The following LRP6 variants were observed in gnomAD, a reference collection of about 807,000 sequenced individuals.
LRP6 encodes LDL receptor related protein 6.
LRP6 carries 43 observed loss-of-function variants against 184.1 expected under a neutral mutation model. The observed-to-expected ratio is 0.23, with a 90% confidence interval of 0.18 to 0.30. LRP6 has a LOEUF of 0.30. LRP6 is among the 10% of genes least tolerant of loss of function. The probability of loss-of-function intolerance (pLI) is 1.00; values close to 1 mark genes in which losing one functional copy is unlikely to be tolerated. For missense variants in LRP6, 1,571 were observed against 2,005.3 expected, an observed-to-expected ratio of 0.78 and a Z score of 4.14; for synonymous variants, 719 against 684.9, an observed-to-expected ratio of 1.05 and a Z score of -0.78.
intron 2 of LRP6, among the ~76,000 whole-genome samples, chr12:12,217,682 A>G (rs1864384232): frequency 6.6e-6 from 1 of 152,190 alleles, no homozygotes; most frequent in Non-Finnish European, 1.5e-5. Context: ...TAGCATAAGG[A>G]CAGACATCTA....
At chr12:12,257,423 C>CAAA (rs947033294) in intron 1 of LRP6, among the ~76,000 whole-genome samples, 6 of 150,468 alleles carry the variant, frequency 4.0e-5, no homozygotes, top group African/African-American at 1.5e-4. Flanking sequence ...TAAAAAAATA[C>CAAA]AAAAAAAATT....
chr12:12,136,267 T>C (rs2136879317), intron 16 of LRP6, among the ~76,000 whole-genome samples: 1 of 152,316 alleles, frequency 6.6e-6, no homozygotes, highest in Non-Finnish European at 1.5e-5. Flanking sequence ...AGAATTCTCC[T>C]ATATTAAGAT....
chr12:12,136,357 A>G (rs898184653), intron 16 of LRP6, among the ~76,000 whole-genome samples: 2 of 152,114 alleles, frequency 1.3e-5, no homozygotes, highest in African/African-American at 4.8e-5. Context: ...ATTGAGAATT[A>G]AAGAGTTATT....
At chr12:12,205,121 G>A (rs887167706) in intron 2 of LRP6, among the ~76,000 whole-genome samples, 1 of 151,502 alleles carries the variant, frequency 6.6e-6, no homozygotes, top group Non-Finnish European at 1.5e-5. Context: ...TTCAGGTCAG[G>A]AGTTCAAGAC....
chr12:12,237,976 T>A (rs1467164690), intron 2 of LRP6, among the ~76,000 whole-genome samples: 1 of 152,184 alleles, frequency 6.6e-6, no homozygotes, highest in African/African-American at 2.4e-5. Flanking sequence ...TGTCAATATT[T>A]AGGGAAGCTG....
intron 2 of LRP6, among the ~76,000 whole-genome samples, chr12:12,206,542 CAA>C (rs60179716): frequency 0.79 from 91,693 of 116,692 alleles, 34,838 homozygotes; most frequent in East Asian, 0.91. Flanking sequence ...GACTCCATCT[CAA>C]AAAAAAAAAA....
rs908755615 is a variant in LRP6 at position 12,117,227 on chromosome 12, T to C, written c.*3899A>G. 5 of 152,194 alleles carry C rather than the reference T, an allele frequency of 3.3e-5. No individual in the cohort carries two copies. The highest frequency in any genetic ancestry group is 1.2e-4 in the African/African-American group (5 of 41,450). The allele number at this position is 152,194 out of a possible 1,614,324, so 9.4% of individuals were successfully genotyped here. ...CTTGGGTTTAAGAATTCTGATAATG[T>C]TTTAAACAACACCTGACTATAAGCT... On this transcript the variant is annotated 3_prime_UTR_variant, in exon 23 of 23. Coordinates refer to ENST00000261349, the MANE Select transcript of LRP6 (RefSeq NM_002336.3).
intron 3 of LRP6, among the ~76,000 whole-genome samples, chr12:12,195,906 G>A (rs555110622): frequency 2.0e-5 from 3 of 152,008 alleles, no homozygotes; most frequent in African/African-American, 7.2e-5. Flanking sequence ...TCTTCCACAT[G>A]TGGATATCCA....
intron 7 of LRP6, among the ~76,000 whole-genome samples, chr12:12,169,034 G>C (rs1175267171): frequency 6.6e-6 from 1 of 152,080 alleles, no homozygotes; most frequent in Non-Finnish European, 1.5e-5. Context: ...TTCGAGACTA[G>C]CCTGACAAAC....
In LRP6 at chr12:12,119,449, CAT is replaced by C. The variant is rs1445712141; in HGVS notation, c.*1675_*1676del. 4.6e-5 allele frequency: 7 copies of C among 152,132 alleles called. No homozygotes were observed. The highest frequency in any genetic ancestry group is 1.4e-4 in the African/African-American group (6 of 41,434). 9.4% of individuals were successfully genotyped at this position (152,132 alleles called of 1,614,324 possible). On this transcript the variant is annotated 3_prime_UTR_variant, in exon 23 of 23. Transcript: ENST00000261349. Reference sequence around the variant, plus strand: ...TCAATTTTAGCAGAGAAGTGCTACACATGTGTAAAAAGCAGGAAACGAACTTC... The same window carrying C: ...TCAATTTTAGCAGAGAAGTGCTACACGTGTAAAAAGCAGGAAACGAACTTC...
intron 1 of LRP6, among the ~76,000 whole-genome samples, chr12:12,247,936 C>G (rs568105955): frequency 3.9e-5 from 6 of 152,172 alleles, no homozygotes; most frequent in South Asian, 2.1e-4. Context: ...TCTCTACCAG[C>G]CTTTCTAAGC....
intron 10 of LRP6, among the ~76,000 whole-genome samples, chr12:12,160,703 T>G (rs376664344): frequency 6.0e-4 from 91 of 152,232 alleles, no homozygotes; most frequent in African/African-American, 2.1e-3. Flanking sequence ...TTTTTATAGA[T>G]GAAGAGCCCA....
chr12:12,249,221 AC>A, intron 1 of LRP6: 4 of 811,282 alleles, frequency 4.9e-6, no homozygotes, highest in Non-Finnish European at 2.1e-6. Flanking sequence ...ACCCAGAAGC[AC>A]CCCCCTTTGT....
chr12:12,135,200 T>C lies in LRP6; in HGVS notation c.3708A>G (p.Leu1236=), dbSNP rs1467938357. 7 of 1,613,862 alleles carry C rather than the reference T, an allele frequency of 4.3e-6. No individual in the cohort carries two copies. The highest frequency in any genetic ancestry group is 3.3e-5 in the Admixed American group (2 of 60,012). The change falls in exon 17 of 23, where the codon CTA becomes CTG. Residue 1236 remains leucine (L), a synonymous_variant. Coordinates refer to ENST00000261349, the MANE Select transcript of LRP6 (RefSeq NM_002336.3). ...TRCSCPMHLV[L]LQDELSCGEP... is the part of the protein sequence containing the mutation. ...CTCCACATGATAGCTCATCTTGAAGTAGAACCAGGTGCATGGGGCAAGAAC... is the reference window on the plus strand; with the variant it reads ...CTCCACATGATAGCTCATCTTGAAGCAGAACCAGGTGCATGGGGCAAGAAC...
At chr12:12,189,021 A>G (rs1332371191) in intron 3 of LRP6, among the ~76,000 whole-genome samples, 1 of 152,052 alleles carries the variant, frequency 6.6e-6, no homozygotes, top group African/African-American at 2.4e-5. Flanking sequence ...AAACTCAAGG[A>G]AAAAAAAGGC....
At chr12:12,212,133 T>G (rs1864226131) in intron 2 of LRP6, among the ~76,000 whole-genome samples, 1 of 152,184 alleles carries the variant, frequency 6.6e-6, no homozygotes, top group East Asian at 1.9e-4. Flanking sequence ...TTCACCACTC[T>G]AGATTCCAGG....
intron 3 of LRP6, among the ~76,000 whole-genome samples, chr12:12,200,677 T>A (rs978764806): frequency 2.0e-5 from 3 of 152,186 alleles, no homozygotes; most frequent in Non-Finnish European, 4.4e-5. Flanking sequence ...AACCCATGCA[T>A]CCCAATTTTT....
At chr12:12,237,585 A>G (rs1238660694) in intron 2 of LRP6, among the ~76,000 whole-genome samples, 1 of 152,262 alleles carries the variant, frequency 6.6e-6, no homozygotes, top group Non-Finnish European at 1.5e-5. Flanking sequence ...CAACTGTAAC[A>G]TCACCTAGTA....
chr12:12,130,438 G>T lies in LRP6; in HGVS notation c.4081+345C>A, dbSNP rs189705884. On this transcript the variant is annotated intron_variant, in intron 19 of 22. Coordinates refer to ENST00000261349, the MANE Select transcript of LRP6 (RefSeq NM_002336.3). ...TGACCTCAAGTGATCCGCCCACCTT[G>T]GCCTCCCAAAGTGCTGGGATTACAG... Among the ~76,000 whole-genome samples, 916 of 152,036 alleles carry T rather than the reference G, an allele frequency of 6.0e-3. 7 individuals are homozygous for T. The highest frequency in any genetic ancestry group is 0.021 in the African/African-American group (875 of 41,452).
Sources: gnomAD v4.1 joint callset for allele counts (sites outside exome capture counted in the v4.1 genomes callset) on GRCh38, gnomAD v4.1.1 for gene constraint, MANE v1.5 for transcripts, NCBI Gene and HGNC (gene_info 2026-07-23, HGNC 2026-07-21) for gene names.